Variants in MYO18B observed in about 807,000 individuals in gnomAD.
MYO18B encodes unconventional myosin-XVIIIb.
In MYO18B, 204 loss-of-function variants were observed where a neutral mutation model predicts 273.0. That is an observed-to-expected ratio of 0.75 (90% CI 0.67 to 0.84). The LOEUF (loss-of-function observed/expected upper bound fraction) is 0.84. Ranked by LOEUF, MYO18B falls within the 40% of genes least tolerant of loss-of-function variation. MYO18B has a pLI of 0.00. For missense variants in MYO18B, 3,212 were observed against 3,287.6 expected, an observed-to-expected ratio of 0.98 and a Z score of 0.56; for synonymous variants, 1,330 against 1,305.7, an observed-to-expected ratio of 1.02 and a Z score of -0.40.
At chr22:25,749,973 A>G (rs2085887760) in intron 1 of MYO18B, among the ~76,000 whole-genome samples, 1 of 152,206 alleles carries the variant, frequency 6.6e-6, no homozygotes, top group South Asian at 2.1e-4. Flanking sequence ...TTTACGTACT[A>G]AGTATGGCTG....
intron 21 of MYO18B, among the ~76,000 whole-genome samples, chr22:25,856,934 C>T (rs757311335): frequency 1.4e-4 from 21 of 152,094 alleles, no homozygotes; most frequent in Non-Finnish European, 2.8e-4. Flanking sequence ...AAGCGAAGTC[C>T]ATGCTGCCCA....
At chr22:25,757,789 A>G (rs1414960436) in intron 1 of MYO18B, among the ~76,000 whole-genome samples, 1 of 152,128 alleles carries the variant, frequency 6.6e-6, no homozygotes, top group Non-Finnish European at 1.5e-5. Flanking sequence ...AGACCTTGGT[A>G]TATTTCCTCC....
chr22:26,030,234 G>A (rs980276402), intron 43 of MYO18B, among the ~76,000 whole-genome samples: 1 of 152,160 alleles, frequency 6.6e-6, no homozygotes, highest in Admixed American at 6.6e-5. Flanking sequence ...AAAATTAGCT[G>A]GGTGTAGTGA....
At chr22:25,794,350 G>T (rs1239827246) in intron 11 of MYO18B, among the ~76,000 whole-genome samples, 2 of 151,860 alleles carry the variant, frequency 1.3e-5, no homozygotes, top group Middle Eastern at 3.4e-3. Flanking sequence ...GGGACTACAG[G>T]CTCATGCCAC....
chr22:25,857,516 G>A (rs1228902426), intron 21 of MYO18B, among the ~76,000 whole-genome samples: 1 of 152,176 alleles, frequency 6.6e-6, no homozygotes, highest in Non-Finnish European at 1.5e-5. Flanking sequence ...AAACCCTTAT[G>A]AGCCCATGGC....
chr22:25,780,153 G>T lies in MYO18B; in HGVS notation c.2166G>T (p.Ser722=), dbSNP rs368086744. ...RSATRFSMVM[S]LDFNATGRIT... is the part of the protein sequence containing the mutation. ...CCACCCGGTTCTCCATGGTGATGTC[G>T]CTGGACTTCAACGCTACAGGCCGCA... Residue 722 remains serine (S), a synonymous_variant, in exon 9 of 44, where the codon TCG becomes TCT. Transcript: ENST00000335473. 1.2e-6 allele frequency: 2 copies of T among 1,606,788 alleles called. No homozygotes were observed. Among genetic ancestry groups the T allele is most frequent in the Non-Finnish European group, 8.5e-7 (1 of 1,177,578 alleles).
chr22:25,959,484 C>A (rs1246488805), intron 39 of MYO18B, among the ~76,000 whole-genome samples: 1 of 151,970 alleles, frequency 6.6e-6, no homozygotes, highest in Non-Finnish European at 1.5e-5. Flanking sequence ...CTACTTTGAC[C>A]AGGCTGGTCT....
chr22:25,854,591 A>G (rs1270962424), intron 21 of MYO18B, among the ~76,000 whole-genome samples: 2 of 152,246 alleles, frequency 1.3e-5, no homozygotes, highest in Non-Finnish European at 2.9e-5. Flanking sequence ...TTTTTGAGCA[A>G]CAATAAGCAC....
At chr22:26,018,416 C>G (rs1366986135) in intron 42 of MYO18B, among the ~76,000 whole-genome samples, 1 of 152,082 alleles carries the variant, frequency 6.6e-6, no homozygotes, top group Non-Finnish European at 1.5e-5. Flanking sequence ...CCCCCAAACC[C>G]CAGCACCCTC....
chr22:25,743,022 C>T (rs988922524), intron 1 of MYO18B, among the ~76,000 whole-genome samples: 1 of 152,238 alleles, frequency 6.6e-6, no homozygotes, highest in African/African-American at 2.4e-5. Context: ...ACCTCACCAG[C>T]TACAGGCCTC....
At chr22:25,835,264 G>C (rs186811170) in intron 16 of MYO18B, 32 bp from the exon 17 acceptor site, 359 of 1,606,084 alleles carry the variant, frequency 2.2e-4, no homozygotes, top group Non-Finnish European at 1.9e-4. Flanking sequence ...TGGGTATCAG[G>C]GCCCTTCAGT....
In MYO18B at chr22:25,768,446, C is replaced by G. The variant is rs13058434; in HGVS notation, c.530C>G (p.Pro177Arg). ...PEKTHPHDAPPCKTSPPATDT... is the reference protein window; with the variant it reads ...PEKTHPHDAPRCKTSPPATDT... ...AAGACTCATCCCCATGACGCCCCCC[C>G]TTGCAAGACCTCTCCCCCCGCCACA... The change falls in exon 4 of 44, where the codon CCT (proline) becomes CGT (arginine). Residue 177 changes from proline (P) to arginine (R), a missense_variant. Pro to Arg is a moderately radical substitution (Grantham distance 103, BLOSUM62 -2). Transcript: ENST00000335473. The G allele has an allele frequency of 1.2e-5, 17 of 1,389,902 alleles. No homozygotes were observed. The highest frequency in any genetic ancestry group is 1.5e-5 in the Non-Finnish European group (15 of 976,880). 86.1% of individuals were successfully genotyped at this position (1,389,902 alleles called of 1,614,324 possible). A position where few individuals can be genotyped will look rare whatever the true frequency, so the allele number is the denominator to read the frequency against.
At chr22:25,903,859 C>T in intron 31 of MYO18B, 28 bp downstream of exon 31, 4 of 1,571,654 alleles carry the variant, frequency 2.5e-6, no homozygotes, top group Non-Finnish European at 3.5e-6. Context: ...CAGGGCAACA[C>T]CCTGTCCCAT....
chr22:26,033,368 C>G (rs1054314535), downstream of MYO18B, among the ~76,000 whole-genome samples: 1 of 152,152 alleles, frequency 6.6e-6, no homozygotes, highest in African/African-American at 2.4e-5. Flanking sequence ...AATGAATATA[C>G]TGTCAGGAGC....
intron 12 of MYO18B, among the ~76,000 whole-genome samples, chr22:25,802,743 ACT>A (rs796119834): frequency 8.0e-4 from 76 of 95,548 alleles, no homozygotes; most frequent in African/African-American, 3.0e-3. Flanking sequence ...ACAGAGCAAG[ACT>A]CTGTCTCAAA....
At chr22:25,876,722 C>T (rs1450104542) in intron 24 of MYO18B, 1 of 154,726 alleles carries the variant, frequency 6.5e-6, no homozygotes, top group African/African-American at 2.4e-5. Context: ...TCTTTTATAA[C>T]TGTTTCAATT....
intron 42 of MYO18B, among the ~76,000 whole-genome samples, chr22:26,021,075 C>A (rs537980472): frequency 9.2e-5 from 14 of 152,228 alleles, no homozygotes; most frequent in African/African-American, 3.1e-4. Flanking sequence ...GGTGATAGAG[C>A]AAGACTCCGT....
In MYO18B at chr22:25,797,814, C is replaced by G. The variant is rs1290359164; in HGVS notation, c.2377-139C>G. The G allele has an allele frequency of 1.1e-5, 14 of 1,221,426 alleles. No homozygotes were observed. The East Asian group carries it at 3.0e-4, about 27-fold the overall frequency. 75.7% of individuals were successfully genotyped at this position (1,221,426 alleles called of 1,614,324 possible). On this transcript the variant is annotated intron_variant, in intron 11 of 43. Transcript: ENST00000335473. ...CCTGAGTTTGTCTGTCAGTACTCCTCAGCTTAATTGTGGGTAATTTATTGT... is the reference window on the plus strand; with the variant it reads ...CCTGAGTTTGTCTGTCAGTACTCCTGAGCTTAATTGTGGGTAATTTATTGT...
rs1027316310 is a variant in MYO18B at position 25,818,617 on chromosome 22, G to A, written c.2522-4888G>A. ...CTCTGGGGTGTGACCCACATCCCAAGTGCACCAATCCATTATCCATTCCAC... is the reference window on the plus strand; with the variant it reads ...CTCTGGGGTGTGACCCACATCCCAAATGCACCAATCCATTATCCATTCCAC... On this transcript the variant is annotated intron_variant, in intron 12 of 43. Transcript: ENST00000335473. 2.6e-5 allele frequency among the ~76,000 whole-genome samples: 4 copies of A among 152,284 alleles called. No individual in the cohort carries two copies. The South Asian group carries it at 6.2e-4, about 24-fold the overall frequency.
Sources: allele counts gnomAD v4.1 joint callset (sites outside exome capture counted in the v4.1 genomes callset), GRCh38; gene constraint gnomAD v4.1.1; transcripts MANE v1.5; gene names NCBI Gene and HGNC (gene_info 2026-07-23, HGNC 2026-07-21).